KRT2: variants seen among roughly 807,000 people sequenced by gnomAD.
KRT2 encodes keratin, type II cytoskeletal 2 epidermal.
Under a neutral mutation model 48.5 loss-of-function variants are expected in KRT2, and 37 were observed. The ratio of observed to expected loss-of-function variants is 0.76; its 90% CI spans 0.59 to 1.00. The LOEUF is 1.00. Ranked by LOEUF, KRT2 falls within the 50% of genes least tolerant of loss-of-function variation. The pLI is 0.00. For synonymous variants in KRT2, 324 were observed against 312.2 expected (o/e 1.04, Z -0.40); for missense variants, 880 against 815.2 (o/e 1.08, Z -0.97).
chr12:52,644,656 C>T lies in KRT2; in HGVS notation c.*363G>A, dbSNP rs1159918027. The stretch of plus-strand genomic sequence containing the variant: ...CTATATACACAGAAACACATTTCCC[C>T]CCAGCACTGCCAGGCTTAGAGATGA... On this transcript the variant is annotated 3_prime_UTR_variant, in exon 9 of 9. Transcript: ENST00000309680. The T allele has an allele frequency of 8.9e-6, 3 of 338,672 alleles. No homozygotes were observed. Among genetic ancestry groups the T allele is most frequent in the Admixed American group, 8.8e-5 (2 of 22,748 alleles). The allele number at this position is 338,672 out of a possible 1,614,324, so 21.0% of individuals were successfully genotyped here. A position where few individuals can be genotyped will look rare whatever the true frequency, so the allele number is the denominator to read the frequency against.
rs774219571 is a variant in KRT2, at chr12:52,646,846, C to T, written c.1363G>A (p.Asp455Asn). 1.1e-5 allele frequency: 17 copies of T among 1,614,192 alleles called. No homozygotes were observed. The highest frequency in any genetic ancestry group is 1.4e-5 in the Non-Finnish European group (17 of 1,180,016). The stretch of plus-strand genomic sequence containing the variant: ...TAGTCACGCAGCAGCCGCGCCAAGT[C>T]CTCCTTGGCCTGCTGCAGGGCCTCC... ...LEEALQQAKE[D>N]LARLLRDYQE... The change falls in exon 7 of 9, where the codon GAC (aspartate) becomes AAC (asparagine). Residue 455 changes from aspartate (D) to asparagine (N), a missense_variant. By Grantham distance (23) the Asp-to-Asn change is conservative. Coordinates refer to ENST00000309680, the MANE Select transcript of KRT2 (RefSeq NM_000423.3).
At chr12:52,646,207 G>A (rs535702874) in intron 7 of KRT2, among the ~76,000 whole-genome samples, 1 of 152,138 alleles carries the variant, frequency 6.6e-6, no homozygotes, top group Non-Finnish European at 1.5e-5. Context: ...CTGATAATAC[G>A]GACAAAGGTC....
rs1263477050 is a variant in KRT2 at position 52,652,124 on chromosome 12, A to G, written c.19T>C (p.Cys7Arg). The G allele has an allele frequency of 6.4e-7, 1 of 1,552,562 alleles. No homozygotes were observed. Among genetic ancestry groups the G allele is most frequent in the East Asian group, 2.4e-5 (1 of 42,482 alleles). Residue 7 changes from cysteine to arginine, a missense_variant, in exon 1 of 9, where the codon TGC becomes CGC. Physicochemically the swap from Cys to Arg is radical, Grantham distance 180 (BLOSUM62 -3). Transcript: ENST00000309680. MSCQIS[C>R]KSRGRGGGGG... is the part of the protein sequence containing the mutation. Reference sequence around the variant, plus strand: ...CCTCCTCCTCTTCCTCGAGATTTGCAAGAGATCTGACAACTCATGATGCCT... The same window carrying G: ...CCTCCTCCTCTTCCTCGAGATTTGCGAGAGATCTGACAACTCATGATGCCT...
Position 52,645,381 on chromosome 12 carries a change from C to A in KRT2, c.1558G>T (p.Gly520Cys). 6.2e-7 allele frequency: 1 copy of A among 1,614,232 alleles called. No individual in the cohort carries two copies. Among genetic ancestry groups the A allele is most frequent in the Non-Finnish European group, 8.5e-7 (1 of 1,180,044 alleles). Residue 520 changes from glycine to cysteine, a missense_variant, in exon 9 of 9, where the codon GGT becomes TGT. By Grantham distance (159) the Gly-to-Cys change is radical. Transcript: ENST00000309680. The stretch of plus-strand genomic sequence containing the variant: ...GAACTGGACCCTCTACCTCCAGAAC[C>A]TCCAAAGGCAGCCTTGGATGCCACA... ...SNVASKAAFG[G>C]SGGRGSSSGG...
At position 52,648,189 on chromosome 12, in the gene KRT2, G is replaced by C; in HGVS notation, c.1106C>G (p.Ala369Gly). 3 of 1,614,150 alleles carry C rather than the reference G, an allele frequency of 1.9e-6. No homozygotes were observed. Among genetic ancestry groups the C allele is most frequent in the Non-Finnish European group, 2.5e-6 (3 of 1,180,002 alleles). Reference protein sequence around the residue: ...IAQRSKEEAEALYHSKYEELQ... With the variant: ...IAQRSKEEAEGLYHSKYEELQ... ...TCTACTTGCCTTGCTGTGGTACAGG[G>C]CCTCCGCTTCTTCCTTGCTCCTCTG... Residue 369 changes from alanine to glycine, a missense_variant, in exon 5 of 9, where the codon GCC (alanine) becomes GGC (glycine). Physicochemically the swap from Ala to Gly is moderately conservative, Grantham distance 60 (BLOSUM62 0). Transcript: ENST00000309680.
In KRT2 at chr12:52,652,045, C is replaced by A. The variant is rs772907181; in HGVS notation, c.98G>T (p.Ser33Ile). Residue 33 changes from serine (S) to isoleucine (I), a missense_variant, in exon 1 of 9, where the codon AGC (serine) becomes ATC (isoleucine). Coordinates refer to ENST00000309680, the MANE Select transcript of KRT2 (RefSeq NM_000423.3). ...SSGSAVVSGG[S>I]RRSTSSFSCL... Reference sequence around the variant, plus strand: ...GGAGAAGCTGGAAGTTGATCTCCGGCTTCCACCAGACACCACAGCTGAGCC... The same window carrying A: ...GGAGAAGCTGGAAGTTGATCTCCGGATTCCACCAGACACCACAGCTGAGCC... The A allele has an allele frequency of 2.5e-6, 4 of 1,605,354 alleles. No homozygotes were observed. The highest frequency in any genetic ancestry group is 1.7e-5 in the Admixed American group (1 of 59,994).
chr12:52,646,408 C>T (rs1305855612), intron 7 of KRT2, among the ~76,000 whole-genome samples: 5 of 152,216 alleles, frequency 3.3e-5, no homozygotes, highest in African/African-American at 9.7e-5. Context: ...GCCACTCACC[C>T]TATGGACCTA....
At chr12:52,648,373 G>C in intron 4 of KRT2, 36 bp from the exon 5 acceptor site, 1 of 1,595,068 alleles carries the variant, frequency 6.3e-7, no homozygotes, top group African/African-American at 1.3e-5. Context: ...ATGACATCCT[G>C]CCATAGCTAC....
rs748998799 is a variant in KRT2, at chr12:52,649,051, G to A, written c.913C>T (p.Leu305=). 1 of 1,613,624 alleles carries A rather than the reference G, an allele frequency of 6.2e-7. No individual in the cohort carries two copies. Among genetic ancestry groups the A allele is most frequent in the Admixed American group, 1.7e-5 (1 of 60,010 alleles). ...IKVELQSKVD[L]LNQEIEFLKV... is the part of the protein sequence containing the mutation. ...AGAAACTCAATTTCCTGGTTCAGCAGGTCCACCTTGGACTGCAACTCCACC... is the reference window on the plus strand; with the variant it reads ...AGAAACTCAATTTCCTGGTTCAGCAAGTCCACCTTGGACTGCAACTCCACC... The change falls in exon 4 of 9, where the codon CTG becomes TTG. Residue 305 remains leucine (L), a synonymous_variant. Coordinates refer to ENST00000309680, the MANE Select transcript of KRT2 (RefSeq NM_000423.3).
chr12:52,650,447 C>T lies in KRT2; in HGVS notation c.692G>A (p.Gly231Glu). 1.9e-6 allele frequency: 3 copies of T among 1,613,932 alleles called. No individual in the cohort carries two copies. Among genetic ancestry groups the T allele is most frequent in the Non-Finnish European group, 1.7e-6 (2 of 1,179,834 alleles). The change falls in exon 2 of 9, where the codon GGG (glycine) becomes GAG (glutamate). Residue 231 changes from glycine to glutamate, a missense_variant. Physicochemically the swap from Gly to Glu is moderately conservative, Grantham distance 98. Coordinates refer to ENST00000309680, the MANE Select transcript of KRT2 (RefSeq NM_000423.3). ...ATATCTCTTGAGGCTGTCGATATAC[C>T]CCTGGAAGATGGGCTCCAGGTTGAT... ...RPINLEPIFQ[G>E]YIDSLKRYLD...
chr12:52,650,203 A>G (rs947499422), intron 2 of KRT2, 136 bp downstream of exon 2: 6 of 858,626 alleles, frequency 7.0e-6, no homozygotes, highest in Non-Finnish European at 1.2e-5. Context: ...CTTCCTCACA[A>G]ATAATCAACA....
At chr12:52,645,869 G>C (rs1941156357) in intron 7 of KRT2, among the ~76,000 whole-genome samples, 2 of 152,308 alleles carry the variant, frequency 1.3e-5, no homozygotes, top group Non-Finnish European at 1.5e-5. Flanking sequence ...ACCCATTTGT[G>C]TATTTAAATC....
In KRT2 at chr12:52,647,724, C is replaced by T. The variant is rs1941188601; in HGVS notation, c.1248+6G>A. ...CCGCCCCTCGCTGGACAGGGCTGGGCCTCACCTGCTTCTTCACATGTGCGA... is the reference window on the plus strand; with the variant it reads ...CCGCCCCTCGCTGGACAGGGCTGGGTCTCACCTGCTTCTTCACATGTGCGA... On this transcript the variant is annotated splice_donor_region_variant and intron_variant, in intron 6 of 8. Transcript: ENST00000309680. 6.2e-7 allele frequency: 1 copy of T among 1,613,504 alleles called. No homozygotes were observed. The highest frequency in any genetic ancestry group is 1.3e-5 in the African/African-American group (1 of 74,910).
Position 52,652,058 on chromosome 12 carries a change from C to A in KRT2, c.85G>T (p.Val29Leu). The change falls in exon 1 of 9, where the codon GTG (valine) becomes TTG (leucine). Residue 29 changes from valine to leucine, a missense_variant. Val to Leu is a conservative substitution (Grantham distance 32, BLOSUM62 1). Coordinates refer to ENST00000309680, the MANE Select transcript of KRT2 (RefSeq NM_000423.3). ...GTTGATCTCCGGCTTCCACCAGACA[C>A]CACAGCTGAGCCGCTGCTGAAGCCC... ...FRGFSSGSAV[V>L]SGGSRRSTSS... 1 of 1,603,840 alleles carries A rather than the reference C, an allele frequency of 6.2e-7. No individual in the cohort carries two copies. Among genetic ancestry groups the A allele is most frequent in the Non-Finnish European group, 8.5e-7 (1 of 1,179,832 alleles).
chr12:52,650,433 G>C lies in KRT2; in HGVS notation c.706C>G (p.Leu236Val). The change falls in exon 2 of 9, where the codon CTC becomes GTC. Residue 236 changes from leucine (L) to valine (V), a missense_variant. By Grantham distance (32) the Leu-to-Val change is conservative. Transcript: ENST00000309680. ...GTGAGCCCATCCAGATATCTCTTGAGGCTGTCGATATACCCCTGGAAGATG... is the reference window on the plus strand; with the variant it reads ...GTGAGCCCATCCAGATATCTCTTGACGCTGTCGATATACCCCTGGAAGATG... Reference protein sequence around the residue: ...EPIFQGYIDSLKRYLDGLTAE... With the variant: ...EPIFQGYIDSVKRYLDGLTAE... 6.2e-7 allele frequency: 1 copy of C among 1,614,146 alleles called. No individual in the cohort carries two copies. Among genetic ancestry groups the C allele is most frequent in the Non-Finnish European group, 8.5e-7 (1 of 1,179,980 alleles).
Position 52,651,549 on chromosome 12 carries a change from C to T in KRT2, c.585+9G>A, listed in dbSNP as rs1335337718. 1 of 1,602,994 alleles carries T rather than the reference C, an allele frequency of 6.2e-7. No homozygotes were observed. On this transcript the variant is annotated intron_variant, in intron 1 of 8. Transcript: ENST00000309680. ...GAGCATCAGTGGGAGCCGTCTTCTC[C>T]AGAGTCACCTTGTCAATGAAGGAGG...
Position 52,651,993 on chromosome 12 carries a change from G to GCCA in KRT2, c.147_149dup (p.Gly52dup), listed in dbSNP as rs770873120. 6.2e-7 allele frequency: 1 copy of GCCA among 1,610,968 alleles called. No individual in the cohort carries two copies. Among genetic ancestry groups the GCCA allele is most frequent in the South Asian group, 1.1e-5 (1 of 90,996 alleles). ...CAAAGCCGCCTCCACCGAAGCCCCCGCCACCACCACCATGGCGGCTCAAGC... is the reference window on the plus strand; with the variant it reads ...CAAAGCCGCCTCCACCGAAGCCCCCGCCACCACCACCACCATGGCGGCTCAAGC... On this transcript the variant is annotated inframe_insertion, in exon 1 of 9. Coordinates refer to ENST00000309680, the MANE Select transcript of KRT2 (RefSeq NM_000423.3).
chr12:52,651,747 A>G lies in KRT2; in HGVS notation c.396T>C (p.Val132=). 1 of 1,613,914 alleles carries G rather than the reference A, an allele frequency of 6.2e-7. No individual in the cohort carries two copies. Among genetic ancestry groups the G allele is most frequent in the South Asian group, 1.1e-5 (1 of 91,042 alleles). Residue 132 remains valine (V), a synonymous_variant, in exon 1 of 9, where the codon GTT becomes GTC. Coordinates refer to ENST00000309680, the MANE Select transcript of KRT2 (RefSeq NM_000423.3). ...RFGGFGGPGG[V]GGLGGPGGFG... The stretch of plus-strand genomic sequence containing the variant: ...AGCCACCAGGACCCCCTAAACCTCC[A>G]ACACCACCAGGGCCCCCAAAACCTC...
At chr12:52,646,353 G>A (rs1233782284) in intron 7 of KRT2, among the ~76,000 whole-genome samples, 2 of 152,218 alleles carry the variant, frequency 1.3e-5, no homozygotes, top group East Asian at 3.9e-4. Context: ...CACATTCCGA[G>A]ACATCATCTC....
Sources: allele counts gnomAD v4.1 joint callset (sites outside exome capture counted in the v4.1 genomes callset), GRCh38; gene constraint gnomAD v4.1.1; transcripts MANE v1.5; gene names NCBI Gene and HGNC (gene_info 2026-07-23, HGNC 2026-07-21).